Variants in THSD7B observed in about 807,000 individuals in gnomAD.
The protein encoded by THSD7B is thrombospondin type-1 domain-containing protein 7B.
THSD7B carries 138 observed loss-of-function variants against 213.6 expected under a neutral mutation model. That is an observed-to-expected ratio of 0.65 (90% confidence interval 0.56 to 0.74). The LOEUF is 0.74. THSD7B is among the 30% of genes least tolerant of loss of function. THSD7B has a pLI of 0.00. For missense variants in THSD7B, 1,931 were observed against 1,991.5 expected (o/e 0.97, Z 0.58); for synonymous variants, 742 against 687.0 (o/e 1.08, Z -1.25).
At chr2:137,530,273 G>A (rs910030915) in intron 15 of THSD7B, among the ~76,000 whole-genome samples, 1 of 151,924 alleles carries the variant, frequency 6.6e-6, no homozygotes, top group Non-Finnish European at 1.5e-5. Flanking sequence ...TGAAACATAT[G>A]TTTCTTTTAC....
intron 3 of THSD7B, among the ~76,000 whole-genome samples, chr2:137,078,379 A>T (rs912771474): frequency 3.9e-5 from 6 of 152,146 alleles, no homozygotes; most frequent in Admixed American, 3.3e-4. Context: ...TTTTTGCTTG[A>T]CATGTGTTTT....
intron 15 of THSD7B, among the ~76,000 whole-genome samples, chr2:137,527,901 A>G (rs891314202): frequency 2.0e-5 from 3 of 152,106 alleles, no homozygotes; most frequent in African/African-American, 7.2e-5. Flanking sequence ...AGAGATAAGA[A>G]AGGAAAAACT....
chr2:137,502,789 C>T (rs1573668272), intron 15 of THSD7B, among the ~76,000 whole-genome samples: 2 of 152,158 alleles, frequency 1.3e-5, no homozygotes, highest in African/African-American at 4.8e-5. Flanking sequence ...CAGCCCCGCA[C>T]AACAATATCT....
At chr2:137,046,306 T>C (rs955859025) in intron 2 of THSD7B, among the ~76,000 whole-genome samples, 1 of 151,928 alleles carries the variant, frequency 6.6e-6, no homozygotes, top group Non-Finnish European at 1.5e-5. Context: ...ATTGCAAGAG[T>C]GAATGCTTTG....
At chr2:137,383,772 G>A (rs922631618) in intron 12 of THSD7B, among the ~76,000 whole-genome samples, 3 of 152,070 alleles carry the variant, frequency 2.0e-5, no homozygotes, top group African/African-American at 7.2e-5. Context: ...GTAAAACCAT[G>A]TCAAAACTGT....
intron 14 of THSD7B, among the ~76,000 whole-genome samples, chr2:137,446,922 A>G (rs1687553224): frequency 6.6e-6 from 1 of 152,094 alleles, no homozygotes; most frequent in Admixed American, 6.5e-5. Flanking sequence ...TCAACCTTGT[A>G]CATAGTCACA....
At chr2:136,870,339 A>C (rs1329108304) in intron 1 of THSD7B, among the ~76,000 whole-genome samples, 1 of 152,202 alleles carries the variant, frequency 6.6e-6, no homozygotes, top group East Asian at 1.9e-4. Context: ...TCCTCGAAAA[A>C]ATTATTTAAA....
chr2:137,364,680 C>A (rs1035249557), intron 12 of THSD7B, among the ~76,000 whole-genome samples: 2 of 152,128 alleles, frequency 1.3e-5, no homozygotes, highest in Non-Finnish European at 2.9e-5. Context: ...ATTCAACTTA[C>A]AAGGGAGGTG....
chr2:137,219,363 G>A (rs1681317669), intron 7 of THSD7B, among the ~76,000 whole-genome samples: 1 of 152,116 alleles, frequency 6.6e-6, no homozygotes, highest in South Asian at 2.1e-4. Context: ...ATTCTTAGAT[G>A]TTGATGAGCT....
At chr2:137,157,288 C>G (rs1244351052) in intron 5 of THSD7B, among the ~76,000 whole-genome samples, 2 of 152,052 alleles carry the variant, frequency 1.3e-5, no homozygotes. Flanking sequence ...AGAAAGCTGC[C>G]CATGGGGTCT....
chr2:137,396,126 A>G (rs1405592052), intron 12 of THSD7B, among the ~76,000 whole-genome samples: 15 of 147,278 alleles, frequency 1.0e-4, no homozygotes, highest in East Asian at 8.1e-4. Flanking sequence ...TCCTGGATTC[A>G]TTAATTTTTT....
intron 7 of THSD7B, among the ~76,000 whole-genome samples, chr2:137,189,590 C>G (rs1266875498): frequency 6.6e-6 from 1 of 151,920 alleles, no homozygotes; most frequent in African/African-American, 2.4e-5. Flanking sequence ...CAAATCTGCT[C>G]CATCCACAGG....
At chr2:137,115,091 T>C (rs1339480117) in intron 4 of THSD7B, 33 bp from the exon 5 acceptor site, 1 of 1,613,224 alleles carries the variant, frequency 6.2e-7, no homozygotes, top group Non-Finnish European at 8.5e-7. Flanking sequence ...TTCTTACTTC[T>C]TCTTCTTCTT....
intron 16 of THSD7B, among the ~76,000 whole-genome samples, chr2:137,567,366 C>T (rs1162953924): frequency 1.3e-5 from 2 of 151,840 alleles, no homozygotes; most frequent in African/African-American, 4.8e-5. Flanking sequence ...AGAGTTTCAC[C>T]ACGTTGGCCA....
At chr2:137,064,513 G>T (rs887677570) in intron 3 of THSD7B, among the ~76,000 whole-genome samples, 2 of 151,940 alleles carry the variant, frequency 1.3e-5, no homozygotes, top group Non-Finnish European at 2.9e-5. Flanking sequence ...TTAACTTGAT[G>T]TGATATAATT....
At chr2:137,074,194 C>G (rs1262613383) in intron 3 of THSD7B, among the ~76,000 whole-genome samples, 1 of 151,834 alleles carries the variant, frequency 6.6e-6, no homozygotes, top group Non-Finnish European at 1.5e-5. Context: ...GTGTTAAAGT[C>G]TCCCATTATT....
intron 13 of THSD7B, among the ~76,000 whole-genome samples, chr2:137,411,170 C>G (rs543538742): frequency 1.6e-4 from 24 of 152,332 alleles, no homozygotes; most frequent in African/African-American, 5.8e-4. Flanking sequence ...ATGAGTTTAA[C>G]TTTGTCCATC....
chr2:137,641,070 G>T (rs1010195766), intron 20 of THSD7B, among the ~76,000 whole-genome samples: 1 of 152,140 alleles, frequency 6.6e-6, no homozygotes, highest in African/African-American at 2.4e-5. Context: ...TCTATCCAGG[G>T]TTTTCAAGTA....
intron 1 of THSD7B, among the ~76,000 whole-genome samples, chr2:136,834,257 G>A (rs959523632): frequency 2.0e-5 from 3 of 152,146 alleles, no homozygotes; most frequent in African/African-American, 4.8e-5. Context: ...AAATATCACC[G>A]TTGGTTGTTC....
Sources: gnomAD v4.1 joint callset for allele counts (sites outside exome capture counted in the v4.1 genomes callset) on GRCh38, gnomAD v4.1.1 for gene constraint, MANE v1.5 for transcripts, NCBI Gene and HGNC (gene_info 2026-07-23, HGNC 2026-07-21) for gene names.